Variants in UBASH3B observed in about 807,000 individuals in gnomAD.
The protein encoded by UBASH3B is ubiquitin-associated and SH3 domain-containing protein B.
UBASH3B carries 37 observed loss-of-function variants against 83.4 expected under a neutral mutation model. The observed-to-expected ratio is 0.44, with a 90% CI of 0.34 to 0.58. UBASH3B has a LOEUF of 0.58. Ranked by LOEUF, UBASH3B falls within the 20% of genes least tolerant of loss-of-function variation. UBASH3B has a pLI of 0.01. For missense variants in UBASH3B, 657 were observed against 827.2 expected, an observed-to-expected ratio of 0.79 and a Z score of 2.52; for synonymous variants, 304 against 318.3, an observed-to-expected ratio of 0.96 and a Z score of 0.48.
chr11:122,772,901 G>A (rs564927366), intron 1 of UBASH3B, among the ~76,000 whole-genome samples: 198 of 152,286 alleles, frequency 1.3e-3, no homozygotes, highest in African/African-American at 4.4e-3. Flanking sequence ...GAAGGTTAGG[G>A]CTAGGATCAG....
chr11:122,754,728 C>T (rs1422397497), intron 1 of UBASH3B, among the ~76,000 whole-genome samples: 2 of 152,206 alleles, frequency 1.3e-5, no homozygotes, highest in African/African-American at 4.8e-5. Flanking sequence ...CCAACTTCCT[C>T]CCTCTGGTGG....
At chr11:122,713,899 C>G (rs2233) in intron 1 of UBASH3B, among the ~76,000 whole-genome samples, 44,766 of 152,040 alleles carry the variant, frequency 0.29, 7,541 homozygotes, top group East Asian at 0.68. Flanking sequence ...AGCCTTCCAT[C>G]AGATGTTTAT....
intron 1 of UBASH3B, among the ~76,000 whole-genome samples, chr11:122,772,833 A>G (rs547002752): frequency 2.0e-5 from 3 of 152,054 alleles, no homozygotes; most frequent in African/African-American, 7.2e-5. Context: ...TAGGCAGGAG[A>G]GTTTTTACAC....
chr11:122,745,147 C>G (rs1370022406), intron 1 of UBASH3B, among the ~76,000 whole-genome samples: 1 of 152,206 alleles, frequency 6.6e-6, no homozygotes, highest in Non-Finnish European at 1.5e-5. Flanking sequence ...AGACTCACCT[C>G]TCAGCTTGTA....
At chr11:122,725,153 A>G (rs796389897) in intron 1 of UBASH3B, among the ~76,000 whole-genome samples, 12 of 150,384 alleles carry the variant, frequency 8.0e-5, no homozygotes, top group African/African-American at 2.9e-4. Flanking sequence ...TAATTTTACT[A>G]GAGACAGGGT....
At chr11:122,703,155 G>A (rs947926067) in intron 1 of UBASH3B, among the ~76,000 whole-genome samples, 18 of 151,994 alleles carry the variant, frequency 1.2e-4, no homozygotes, top group African/African-American at 4.3e-4. Flanking sequence ...GGCCGGGCAC[G>A]GTGGCTCATG....
intron 1 of UBASH3B, among the ~76,000 whole-genome samples, chr11:122,692,406 T>G (rs1358831089): frequency 1.3e-5 from 2 of 152,146 alleles, no homozygotes; most frequent in African/African-American, 2.4e-5. Flanking sequence ...CCAACCACTC[T>G]CTAAACCTTG....
chr11:122,708,764 C>T (rs1864156089), intron 1 of UBASH3B, among the ~76,000 whole-genome samples: 1 of 152,106 alleles, frequency 6.6e-6, no homozygotes. Flanking sequence ...CTTCCAGGAG[C>T]CATGTAATAT....
chr11:122,669,556 C>T (rs1265508521), intron 1 of UBASH3B, among the ~76,000 whole-genome samples: 1 of 152,182 alleles, frequency 6.6e-6, no homozygotes, highest in African/African-American at 2.4e-5. Context: ...ATTCTGTCAG[C>T]CACAGCATGT....
At chr11:122,734,112 C>T (rs1387626559) in intron 1 of UBASH3B, among the ~76,000 whole-genome samples, 2 of 152,182 alleles carry the variant, frequency 1.3e-5, no homozygotes, top group South Asian at 2.1e-4. Flanking sequence ...GTCTTGAACT[C>T]CTGACTTCAG....
chr11:122,772,337 T>C (rs1369740250), intron 1 of UBASH3B, among the ~76,000 whole-genome samples: 1 of 152,222 alleles, frequency 6.6e-6, no homozygotes, highest in East Asian at 1.9e-4. Flanking sequence ...GTAGGGACCA[T>C]ACCTTCCTCC....
chr11:122,724,828 C>T (rs534816097), intron 1 of UBASH3B, among the ~76,000 whole-genome samples: 15 of 152,216 alleles, frequency 9.9e-5, no homozygotes, highest in African/African-American at 3.6e-4. Context: ...CAGTGAGCGG[C>T]ATCCTAAGAT....
chr11:122,731,152 TCCA>T (rs1342382771), intron 1 of UBASH3B, among the ~76,000 whole-genome samples: 1 of 152,244 alleles, frequency 6.6e-6, no homozygotes, highest in African/African-American at 2.4e-5. Context: ...GGTCATGTCT[TCCA>T]CCCACAAATT....
intron 1 of UBASH3B, among the ~76,000 whole-genome samples, chr11:122,725,948 T>C (rs1860733105): frequency 6.6e-6 from 1 of 152,134 alleles, no homozygotes; most frequent in South Asian, 2.1e-4. Context: ...CACCTCAGCC[T>C]CCCAAAGTGC....
rs150120097 is a variant in UBASH3B, at chr11:122,786,885, C to T, written c.772-2215C>T. Among the ~76,000 whole-genome samples the T allele has an allele frequency of 5.6e-3, 849 of 152,324 alleles. 2 individuals carry two copies. Among genetic ancestry groups the T allele is most frequent in the Middle Eastern group, 0.01 (3 of 294 alleles). Reference sequence around the variant, plus strand: ...TTGTTCATTCAATAAATCGAAGCTACTTATTGTCCAGCTTCCCTATGCCTA... The same window carrying T: ...TTGTTCATTCAATAAATCGAAGCTATTTATTGTCCAGCTTCCCTATGCCTA... On this transcript the variant is annotated intron_variant, in intron 5 of 13. Coordinates refer to ENST00000284273, the MANE Select transcript of UBASH3B (RefSeq NM_032873.5).
At chr11:122,685,254 C>A (rs751268891) in intron 1 of UBASH3B, among the ~76,000 whole-genome samples, 2 of 152,172 alleles carry the variant, frequency 1.3e-5, no homozygotes, top group African/African-American at 4.8e-5. Context: ...CATATCCCCA[C>A]CCCCGGGATG....
chr11:122,798,740 G>A (rs1053589116), intron 9 of UBASH3B, among the ~76,000 whole-genome samples: 1 of 151,272 alleles, frequency 6.6e-6, no homozygotes, highest in Non-Finnish European at 1.5e-5. Flanking sequence ...AGACAAGAAG[G>A]GCTCTGTCGC....
At chr11:122,659,619 G>C (rs1191979905) in intron 1 of UBASH3B, among the ~76,000 whole-genome samples, 1 of 152,256 alleles carries the variant, frequency 6.6e-6, no homozygotes. Context: ...CTCATCAGAA[G>C]CTTCTCTCTT....
At chr11:122,738,104 G>A (rs1382356267) in intron 1 of UBASH3B, among the ~76,000 whole-genome samples, 1 of 152,230 alleles carries the variant, frequency 6.6e-6, no homozygotes, top group Non-Finnish European at 1.5e-5. Context: ...ATGCCGTTGA[G>A]AGGTCAAGAG....
Sources: gnomAD v4.1 joint callset for allele counts (sites outside exome capture counted in the v4.1 genomes callset) on GRCh38, gnomAD v4.1.1 for gene constraint, MANE v1.5 for transcripts, NCBI Gene and HGNC (gene_info 2026-07-23, HGNC 2026-07-21) for gene names.